Variants in FDCSP observed in about 807,000 individuals in gnomAD.
FDCSP encodes the protein follicular dendritic cell secreted peptide.
In FDCSP, 8 loss-of-function variants were observed where a neutral mutation model predicts 8.9. The ratio of observed to expected loss-of-function variants is 0.90; its 90% CI spans 0.53 to 1.63. The LOEUF is 1.63. Among genes scored for constraint, FDCSP ranks in the 40% most tolerant of loss-of-function variants. The pLI is 0.00. For missense variants in FDCSP, 101 were observed against 103.6 expected (o/e 0.98, Z 0.11); for synonymous variants, 34 against 34.5 (o/e 0.98, Z 0.06).
intron 1 of FDCSP, among the ~76,000 whole-genome samples, chr4:70,230,668 G>A (rs1288351607): frequency 6.6e-6 from 1 of 151,576 alleles, no homozygotes; most frequent in Non-Finnish European, 1.5e-5. Context: ...GATTTTTGGG[G>A]GTTGCCTGGA....
rs1730077238 is a variant in FDCSP, at chr4:70,231,213, C to A, written c.19C>A (p.Leu7Met). Residue 7 changes from leucine (L) to methionine (M), a missense_variant, in exon 2 of 5, where the codon CTG becomes ATG. Leu to Met is a conservative substitution (Grantham distance 15, BLOSUM62 2). Coordinates refer to ENST00000317987, the MANE Select transcript of FDCSP (RefSeq NM_152997.4). Reference sequence around the variant, plus strand: ...TTTGCAGATGAAGAAAGTTCTCCTCCTGATCACAGCCATCTTGGCAGTGGC... The same window carrying A: ...TTTGCAGATGAAGAAAGTTCTCCTCATGATCACAGCCATCTTGGCAGTGGC... MKKVLLLITAILAVAVG... is the reference protein window; with the variant it reads MKKVLLMITAILAVAVG... 1.9e-6 allele frequency: 3 copies of A among 1,599,432 alleles called. No individual in the cohort carries two copies. Among genetic ancestry groups the A allele is most frequent in the African/African-American group, 1.4e-5 (1 of 74,064 alleles).
intron 4 of FDCSP, among the ~76,000 whole-genome samples, chr4:70,234,506 C>T (rs1005491822): frequency 6.6e-6 from 1 of 151,560 alleles, no homozygotes; most frequent in African/African-American, 2.4e-5. Context: ...ACTCTTTATA[C>T]TATTGTCAAT....
intron 2 of FDCSP, 73 bp downstream of exon 2, chr4:70,231,324 C>A (rs546148048): frequency 4.1e-6 from 5 of 1,225,224 alleles, no homozygotes; most frequent in Non-Finnish European, 4.7e-6. Flanking sequence ...AACCAGGAAC[C>A]ACATACACAA....
chr4:70,229,547 T>C (rs1045888898), intron 1 of FDCSP, among the ~76,000 whole-genome samples: 17 of 151,760 alleles, frequency 1.1e-4, no homozygotes, highest in African/African-American at 4.1e-4. Context: ...TACCTTTTGA[T>C]GTAAAGTAGG....
chr4:70,232,553 C>A (rs1380972443), intron 2 of FDCSP, among the ~76,000 whole-genome samples: 1 of 151,550 alleles, frequency 6.6e-6, no homozygotes. Flanking sequence ...AATCGCTGAA[C>A]TACCCATTTC....
chr4:70,230,209 C>A (rs926212308), intron 1 of FDCSP, among the ~76,000 whole-genome samples: 1 of 151,576 alleles, frequency 6.6e-6, no homozygotes, highest in Admixed American at 6.6e-5. Context: ...TTTCCCAGAA[C>A]CCCCCACATA....
intron 2 of FDCSP, 72 bp downstream of exon 2, chr4:70,231,323 C>T (rs1407815154): frequency 8.1e-7 from 1 of 1,231,226 alleles, no homozygotes; most frequent in Non-Finnish European, 1.2e-6. Flanking sequence ...CAACCAGGAA[C>T]CACATACACA....
At chr4:70,230,204 C>T (rs1183772840) in intron 1 of FDCSP, among the ~76,000 whole-genome samples, 2 of 151,558 alleles carry the variant, frequency 1.3e-5, no homozygotes, top group Non-Finnish European at 3.0e-5. Context: ...TTGCCTTTCC[C>T]AGAACCCCCC....
At chr4:70,234,318 T>G in intron 4 of FDCSP, 103 bp downstream of exon 4, 1 of 927,382 alleles carries the variant, frequency 1.1e-6, no homozygotes, top group South Asian at 1.9e-5. Context: ...GTTGGCCCCT[T>G]TCAGTTTCTG....
At chr4:70,234,898 A>C (rs1003658485) in intron 4 of FDCSP, among the ~76,000 whole-genome samples, 187 bp from the exon 5 acceptor site, 6 of 151,348 alleles carry the variant, frequency 4.0e-5, no homozygotes, top group African/African-American at 1.2e-4. Context: ...TAGGAAAAAA[A>C]TATTTCAGCT....
chr4:70,235,191 T>A lies in FDCSP; in HGVS notation c.*135T>A, dbSNP rs1170134986. Reference sequence around the variant, plus strand: ...AGCACACAGCATTCTCTAGTCAATATCTTTAGTGATCTTCTTTAATAAACT... The same window carrying A: ...AGCACACAGCATTCTCTAGTCAATAACTTTAGTGATCTTCTTTAATAAACT... On this transcript the variant is annotated 3_prime_UTR_variant, in exon 5 of 5. Transcript: ENST00000317987. 1.3e-5 allele frequency: 2 copies of A among 151,794 alleles called. No individual in the cohort carries two copies. Among genetic ancestry groups the A allele is most frequent in the African/African-American group, 4.8e-5 (2 of 41,392 alleles). The allele number at this position is 151,794 out of a possible 1,614,324, so 9.4% of individuals were successfully genotyped here. A position where few individuals can be genotyped will look rare whatever the true frequency, so the allele number is the denominator to read the frequency against.
chr4:70,231,328 T>A, intron 2 of FDCSP, 77 bp downstream of exon 2: 1 of 1,153,710 alleles, frequency 8.7e-7, no homozygotes, highest in Non-Finnish European at 1.3e-6. Context: ...AGGAACCACA[T>A]ACACAAGGGT....
chr4:70,227,234 A>G (rs1004960941), intron 1 of FDCSP, among the ~76,000 whole-genome samples: 1 of 151,466 alleles, frequency 6.6e-6, no homozygotes, highest in Non-Finnish European at 1.5e-5. Context: ...GAGTGTGTGC[A>G]TGTGTGTGTT....
At chr4:70,227,997 G>A (rs770567510) in intron 1 of FDCSP, among the ~76,000 whole-genome samples, 4 of 151,750 alleles carry the variant, frequency 2.6e-5, no homozygotes, top group Non-Finnish European at 5.9e-5. Flanking sequence ...TAAGCTGGCT[G>A]TGGCAATTTC....
At chr4:70,230,481 G>C (rs1227240897) in intron 1 of FDCSP, among the ~76,000 whole-genome samples, 3 of 151,636 alleles carry the variant, frequency 2.0e-5, no homozygotes, top group Non-Finnish European at 2.9e-5. Context: ...TTTTAACAGT[G>C]TGTGTAATAT....
At chr4:70,232,881 A>G in intron 2 of FDCSP, 113 bp from the exon 3 acceptor site, 1 of 947,474 alleles carries the variant, frequency 1.1e-6, no homozygotes, top group Non-Finnish European at 1.6e-6. Context: ...GGGTATTTTA[A>G]AAAATGGTTA....
chr4:70,231,267 T>C lies in FDCSP; in HGVS notation c.57+16T>C, dbSNP rs765230687. On this transcript the variant is annotated intron_variant, in intron 2 of 4. Coordinates refer to ENST00000317987, the MANE Select transcript of FDCSP (RefSeq NM_152997.4). ...TGGTTTCCCAGTAAGTATCCACGTA[T>C]ACATTCCAAAATATTTATGTATGGC... 6.3e-7 allele frequency: 1 copy of C among 1,591,220 alleles called. No individual in the cohort carries two copies. The highest frequency in any genetic ancestry group is 1.4e-5 in the African/African-American group (1 of 73,762).
intron 1 of FDCSP, among the ~76,000 whole-genome samples, chr4:70,229,285 C>T (rs1190883988): frequency 2.0e-5 from 3 of 151,658 alleles, no homozygotes; most frequent in Non-Finnish European, 4.4e-5. Context: ...GCATAGGGGC[C>T]TTCTTCTAGA....
At chr4:70,227,542 T>G (rs1383915948) in intron 1 of FDCSP, among the ~76,000 whole-genome samples, 1 of 143,118 alleles carries the variant, frequency 7.0e-6, no homozygotes, top group East Asian at 2.2e-4. Flanking sequence ...TATTAAAAAT[T>G]GACATTTTCC....
Sources: gnomAD v4.1 joint callset for allele counts (sites outside exome capture counted in the v4.1 genomes callset) on GRCh38, gnomAD v4.1.1 for gene constraint, MANE v1.5 for transcripts, NCBI Gene and HGNC (gene_info 2026-07-23, HGNC 2026-07-21) for gene names.